The following ZFAT variants were observed in gnomAD, a reference collection of about 807,000 sequenced individuals.
ZFAT encodes zinc finger protein ZFAT.
Under a neutral mutation model 117.7 loss-of-function variants are expected in ZFAT, and 64 were observed. The observed-to-expected ratio is 0.54, with a 90% CI of 0.44 to 0.67. ZFAT has a LOEUF of 0.67. ZFAT is among the 30% of genes least tolerant of loss of function. The pLI is 0.00. For missense variants in ZFAT, 1,433 were observed against 1,584.5 expected (o/e 0.90, Z 1.62); for synonymous variants, 679 against 615.0 (o/e 1.10, Z -1.54).
chr8:134,712,816 G>GCGCC, intron 1 of ZFAT, 29 bp downstream of exon 1: 1 of 400,210 alleles, frequency 2.5e-6, no homozygotes, highest in Non-Finnish European at 3.7e-6. Context: ...CCCCCACCCC[G>GCGCC]TCTCACCCCA....
At chr8:134,511,124 A>C (rs1319893956) in intron 14 of ZFAT, 1 of 152,340 alleles carries the variant, frequency 6.6e-6, no homozygotes, top group African/African-American at 2.4e-5. Context: ...GACAGTGACA[A>C]GGCCAGGCAG....
At chr8:134,729,300 C>G in the ZFAT span, among the ~76,000 whole-genome samples, 3 of 152,164 alleles carry the variant, frequency 2.0e-5, no homozygotes, top group Admixed American at 6.5e-5. Flanking sequence ...TTGGGCTGCC[C>G]CTGGGATTTC....
chr8:134,638,589 C>A (rs1830392998), intron 2 of ZFAT, among the ~76,000 whole-genome samples: 1 of 146,702 alleles, frequency 6.8e-6, no homozygotes, highest in Non-Finnish European at 1.5e-5. Flanking sequence ...ATTAACCAGG[C>A]GTGGTGGCGG....
intron 7 of ZFAT, among the ~76,000 whole-genome samples, chr8:134,594,372 G>A (rs11780632): frequency 0.26 from 39,969 of 152,102 alleles, 5,740 homozygotes; most frequent in East Asian, 0.53. Flanking sequence ...TTCCAGAAGA[G>A]GATTGAAAGT....
chr8:134,662,934 AG>A (rs1278719035), intron 1 of ZFAT, among the ~76,000 whole-genome samples: 1 of 152,252 alleles, frequency 6.6e-6, no homozygotes. Context: ...TTTCGGGACC[AG>A]CCCTATGCCC....
At chr8:134,513,229 G>T (rs1457292680) in intron 13 of ZFAT, among the ~76,000 whole-genome samples, 7 of 142,368 alleles carry the variant, frequency 4.9e-5, no homozygotes, top group African/African-American at 1.9e-4. Flanking sequence ...ACAGAGTCTC[G>T]CTCTGTCACC....
At chr8:134,706,913 C>T (rs1162124528) in intron 1 of ZFAT, among the ~76,000 whole-genome samples, 1 of 151,850 alleles carries the variant, frequency 6.6e-6, no homozygotes, top group Non-Finnish European at 1.5e-5. Context: ...AAAAACCTGT[C>T]TCCTGGCAGC....
chr8:134,538,906 C>T (rs982737787), intron 11 of ZFAT, among the ~76,000 whole-genome samples: 5 of 151,920 alleles, frequency 3.3e-5, no homozygotes, highest in African/African-American at 1.2e-4. Flanking sequence ...TCTTTAAGTC[C>T]TTATTTTTAT....
chr8:134,685,337 G>A (rs932102645), intron 1 of ZFAT, among the ~76,000 whole-genome samples: 8 of 152,122 alleles, frequency 5.3e-5, no homozygotes, highest in Admixed American at 2.0e-4. Flanking sequence ...ACAGGAAATC[G>A]CTTGTTATTT....
chr8:134,632,475 C>T (rs541747548), intron 3 of ZFAT, among the ~76,000 whole-genome samples: 3 of 152,110 alleles, frequency 2.0e-5, no homozygotes, highest in Non-Finnish European at 4.4e-5. Flanking sequence ...GTTAAAAAGT[C>T]AACTATATAA....
chr8:134,552,750 C>CTAA (rs1823265182), intron 11 of ZFAT, among the ~76,000 whole-genome samples: 1 of 152,186 alleles, frequency 6.6e-6, no homozygotes, highest in South Asian at 2.1e-4. Context: ...GAGGGTTATT[C>CTAA]TGTTTCAGAA....
chr8:134,824,401 A>G, the ZFAT span, among the ~76,000 whole-genome samples: 1 of 152,220 alleles, frequency 6.6e-6, no homozygotes, highest in Non-Finnish European at 1.5e-5. Context: ...TGATAAGAGC[A>G]AATATGGTAA....
chr8:134,809,876 C>T, the ZFAT span, among the ~76,000 whole-genome samples: 1 of 152,110 alleles, frequency 6.6e-6, no homozygotes, highest in Admixed American at 6.5e-5. Context: ...TAGCCAGTAC[C>T]TTCCTAGATT....
chr8:134,812,612 G>C, the ZFAT span, among the ~76,000 whole-genome samples: 23 of 152,124 alleles, frequency 1.5e-4, no homozygotes, highest in African/African-American at 5.1e-4. Flanking sequence ...GCACATACCT[G>C]TAATCCCAGA....
At chr8:134,526,964 T>G (rs547851615) in intron 12 of ZFAT, among the ~76,000 whole-genome samples, 1 of 152,178 alleles carries the variant, frequency 6.6e-6, no homozygotes, top group African/African-American at 2.4e-5. Flanking sequence ...CCCCAGAACA[T>G]GTGAACATGT....
chr8:134,823,641 G>C, the ZFAT span, among the ~76,000 whole-genome samples: 1 of 152,124 alleles, frequency 6.6e-6, no homozygotes, highest in Non-Finnish European at 1.5e-5. Context: ...TTTAGAGTTG[G>C]TATTGCTGTA....
intron 4 of ZFAT, among the ~76,000 whole-genome samples, chr8:134,609,127 G>T (rs1390330086): frequency 6.6e-6 from 1 of 151,480 alleles, no homozygotes; most frequent in Non-Finnish European, 1.5e-5. Flanking sequence ...ATTTTCACTT[G>T]ATCTACTTAT....
chr8:134,700,213 GC>G (rs1445889640), intron 1 of ZFAT, among the ~76,000 whole-genome samples: 1 of 152,200 alleles, frequency 6.6e-6, no homozygotes, highest in East Asian at 1.9e-4. Context: ...GGAAACTGAG[GC>G]TCAAAGAAGT....
intron 11 of ZFAT, among the ~76,000 whole-genome samples, chr8:134,535,035 C>A (rs1821729798): frequency 6.6e-6 from 1 of 152,216 alleles, no homozygotes; most frequent in Admixed American, 6.5e-5. Flanking sequence ...CTGGCTGCCC[C>A]ATCCCACTGT....
Sources: gnomAD v4.1 joint callset for allele counts (sites outside exome capture counted in the v4.1 genomes callset) on GRCh38, gnomAD v4.1.1 for gene constraint, MANE v1.5 for transcripts, NCBI Gene and HGNC (gene_info 2026-07-23, HGNC 2026-07-21) for gene names.